Variants in SPEF2 observed in about 807,000 individuals in gnomAD.
SPEF2 encodes the protein sperm flagellar and cilia associated 2.
SPEF2 carries 187 observed loss-of-function variants against 224.6 expected under a neutral mutation model. That is an observed-to-expected ratio of 0.83 (90% CI 0.74 to 0.94). The LOEUF (loss-of-function observed/expected upper bound fraction) is 0.94, where lower values mean the gene tolerates loss of function less well. Ranked by LOEUF, SPEF2 falls within the 40% of genes least tolerant of loss-of-function variation. The probability of loss-of-function intolerance (pLI) is 0.00; values close to 1 mark genes in which losing one functional copy is unlikely to be tolerated. For missense variants in SPEF2, 2,170 were observed against 2,135.6 expected, an observed-to-expected ratio of 1.02 and a Z score of -0.32; for synonymous variants, 715 against 707.3, an observed-to-expected ratio of 1.01 and a Z score of -0.17.
chr5:35,682,966 C>T (rs1753047494), intron 10 of SPEF2, among the ~76,000 whole-genome samples: 1 of 152,174 alleles, frequency 6.6e-6, no homozygotes, highest in African/African-American at 2.4e-5. Flanking sequence ...TAAGCTTGCC[C>T]TTGAAGTGTG....
At chr5:35,746,897 A>G (rs1180642325) in intron 23 of SPEF2, among the ~76,000 whole-genome samples, 1 of 152,204 alleles carries the variant, frequency 6.6e-6, no homozygotes, top group Non-Finnish European at 1.5e-5. Flanking sequence ...AGACAAAGGA[A>G]AGAATTTTCA....
intron 30 of SPEF2, chr5:35,789,036 G>C: frequency 2.9e-6 from 2 of 685,950 alleles, no homozygotes; most frequent in Non-Finnish European, 5.3e-6. Context: ...CACTCAGTAA[G>C]TAATTTTGAA....
chr5:35,696,081 T>G lies in SPEF2; in HGVS notation c.2037+285T>G, dbSNP rs143412873. ...CCAAATTCATTTCATCTTTACCATT[T>G]AATTTATGACTTTTATTTCGCTCAT... is the stretch of plus-strand genomic sequence containing the variant. On this transcript the variant is annotated intron_variant, in intron 14 of 36. Coordinates refer to ENST00000356031, the MANE Select transcript of SPEF2 (RefSeq NM_024867.4). Among the ~76,000 whole-genome samples the G allele has an allele frequency of 9.2e-4, 140 of 152,346 alleles. 2 individuals carry two copies. In the East Asian group the frequency reaches 0.022, roughly 24 times the overall value.
At chr5:35,800,546 T>G (rs1353146464) in intron 34 of SPEF2, among the ~76,000 whole-genome samples, 1 of 152,162 alleles carries the variant, frequency 6.6e-6, no homozygotes, top group Non-Finnish European at 1.5e-5. Context: ...ATATGGGGCT[T>G]GGTAGTGTTT....
chr5:35,774,167 T>C lies in SPEF2; in HGVS notation c.4078+146T>C, dbSNP rs1199810457. 3 of 1,143,478 alleles carry C rather than the reference T, an allele frequency of 2.6e-6. No homozygotes were observed. The Admixed American group carries it at 8.0e-5, about 30-fold the overall frequency. The allele number at this position is 1,143,478 out of a possible 1,614,324, so 70.8% of individuals were successfully genotyped here. On this transcript the variant is annotated intron_variant, in intron 28 of 36. Coordinates refer to ENST00000356031, the MANE Select transcript of SPEF2 (RefSeq NM_024867.4). The stretch of plus-strand genomic sequence containing the variant: ...TTGAAAAGCACAATATTCAGTTGAC[T>C]GTTTTCGTTTGACCACGTGAGGACT...
At chr5:35,714,680 T>TTATTTATTTA (rs373603694) in intron 20 of SPEF2, among the ~76,000 whole-genome samples, 1 of 134,524 alleles carries the variant, frequency 7.4e-6, no homozygotes, top group African/African-American at 2.8e-5. Flanking sequence ...TTGGGTTTAT[T>TTATTTATTTA]TTTATTTATT....
intron 23 of SPEF2, among the ~76,000 whole-genome samples, chr5:35,752,982 A>G (rs1749896002): frequency 6.7e-6 from 1 of 149,956 alleles, no homozygotes; most frequent in African/African-American, 2.4e-5. Flanking sequence ...ACTATACTAT[A>G]AATCATCATA....
In SPEF2 at chr5:35,670,505, C is replaced by T. The variant is rs539176100; in HGVS notation, c.1524+278C>T. On this transcript the variant is annotated intron_variant, in intron 10 of 36. Coordinates refer to ENST00000356031, the MANE Select transcript of SPEF2 (RefSeq NM_024867.4). ...GACAGATTTCAGAATTTTTAAAATG[C>T]TTTAATTTATTTATTAGCATTTTTC... The T allele has an allele frequency of 2.8e-6, 3 of 1,057,762 alleles. No individual in the cohort carries two copies. In the East Asian group the frequency reaches 2.1e-4, roughly 74 times the overall value. 65.5% of individuals were successfully genotyped at this position (1,057,762 alleles called of 1,614,324 possible). A position where few individuals can be genotyped will look rare whatever the true frequency, so the allele number is the denominator to read the frequency against.
intron 4 of SPEF2, among the ~76,000 whole-genome samples, chr5:35,644,979 T>C (rs1375530743): frequency 6.6e-6 from 1 of 152,214 alleles, no homozygotes; most frequent in Non-Finnish European, 1.5e-5. Flanking sequence ...GGTAATTCTT[T>C]GCTTGCTTAC....
chr5:35,751,848 T>G (rs1485741377), intron 23 of SPEF2, among the ~76,000 whole-genome samples: 1 of 152,196 alleles, frequency 6.6e-6, no homozygotes, highest in Non-Finnish European at 1.5e-5. Context: ...TCAATGGTCT[T>G]GTCGGAAGCC....
In SPEF2 at chr5:35,807,146, T is replaced by C. The variant is rs777245888; in HGVS notation, c.5272T>C (p.Phe1758Leu). The C allele has an allele frequency of 6.2e-7, 1 of 1,612,958 alleles. No homozygotes were observed. Among genetic ancestry groups the C allele is most frequent in the Non-Finnish European group, 8.5e-7 (1 of 1,179,774 alleles). The stretch of plus-strand genomic sequence containing the variant: ...TTCCTTAAAGGGCTTCATAAAAACA[T>C]TTCAAGACCTAGGTGCCAAGAACCT... ...NIYAEGFIKT[F>L]QDLGAKNLEP... is the part of the protein sequence containing the mutation. Residue 1758 changes from phenylalanine to leucine, a missense_variant, in exon 36 of 37, where the codon TTT becomes CTT. Physicochemically the swap from Phe to Leu is conservative, Grantham distance 22. Coordinates refer to ENST00000356031, the MANE Select transcript of SPEF2 (RefSeq NM_024867.4).
intron 10 of SPEF2, among the ~76,000 whole-genome samples, chr5:35,677,950 T>C (rs545438501): frequency 6.6e-5 from 10 of 152,330 alleles, no homozygotes; most frequent in Admixed American, 2.6e-4. Context: ...TCTGAACTTC[T>C]GAATATGTGA....
intron 33 of SPEF2, among the ~76,000 whole-genome samples, chr5:35,797,880 A>G (rs1429134726): frequency 6.6e-6 from 1 of 152,164 alleles, no homozygotes; most frequent in Non-Finnish European, 1.5e-5. Flanking sequence ...AAACTTGCAC[A>G]GATCTGCACC....
chr5:35,666,262 A>C (rs1242371787), intron 8 of SPEF2, among the ~76,000 whole-genome samples: 3 of 152,186 alleles, frequency 2.0e-5, no homozygotes, highest in Non-Finnish European at 4.4e-5. Context: ...TGAATTTCTC[A>C]AGAAGCTGGC....
chr5:35,728,339 AAG>A (rs1338686374), intron 21 of SPEF2, among the ~76,000 whole-genome samples: 1 of 152,186 alleles, frequency 6.6e-6, no homozygotes, highest in African/African-American at 2.4e-5. Context: ...GGAGCGCTGA[AAG>A]CTCCGCCTAG....
chr5:35,763,455 A>G (rs537409202), intron 25 of SPEF2, 67 bp from the exon 26 acceptor site: 4 of 1,407,556 alleles, frequency 2.8e-6, no homozygotes, highest in South Asian at 1.5e-5. Context: ...ACAAAGTAAC[A>G]TGGTCACAAA....
chr5:35,698,374 G>T (rs1448393162), intron 15 of SPEF2: 1 of 152,140 alleles, frequency 6.6e-6, no homozygotes, highest in African/African-American at 2.4e-5. Context: ...AAAAATTTAA[G>T]TTGCTTCTCA....
intron 10 of SPEF2, among the ~76,000 whole-genome samples, chr5:35,673,704 C>G (rs1004991507): frequency 6.6e-6 from 1 of 152,142 alleles, no homozygotes; most frequent in Non-Finnish European, 1.5e-5. Context: ...TGTTTAAGTT[C>G]ATGATCAGGT....
chr5:35,769,940 TTTA>T (rs1377908958), intron 26 of SPEF2, among the ~76,000 whole-genome samples: 1 of 151,886 alleles, frequency 6.6e-6, no homozygotes, highest in Non-Finnish European at 1.5e-5. Flanking sequence ...CACCAATTGC[TTTA>T]TTGAGATTTT....
Sources: allele counts gnomAD v4.1 joint callset (sites outside exome capture counted in the v4.1 genomes callset), GRCh38; gene constraint gnomAD v4.1.1; transcripts MANE v1.5; gene names NCBI Gene and HGNC (gene_info 2026-07-23, HGNC 2026-07-21).